The following PIH1D2 variants were observed in gnomAD, a reference collection of about 807,000 sequenced individuals.
PIH1D2 encodes PIH1 domain-containing protein 2.
Under a neutral mutation model 31.2 loss-of-function variants are expected in PIH1D2, and 25 were observed. The ratio of observed to expected loss-of-function variants is 0.80; its 90% confidence interval spans 0.58 to 1.12. PIH1D2 has a LOEUF of 1.12. Ranked by LOEUF, PIH1D2 falls within the 50% of genes most tolerant of loss-of-function variation. PIH1D2 has a pLI of 0.00. For missense variants in PIH1D2, 310 were observed against 356.6 expected, an observed-to-expected ratio of 0.87 and a Z score of 1.05; for synonymous variants, 116 against 119.9, an observed-to-expected ratio of 0.97 and a Z score of 0.21.
rs201824428 is a variant in PIH1D2 at position 112,073,155 on chromosome 11, C to A, written c.20G>T (p.Gly7Val). 1.7e-5 allele frequency: 27 copies of A among 1,612,238 alleles called. No homozygotes were observed. Among genetic ancestry groups the A allele is most frequent in the Non-Finnish European group, 2.3e-5 (27 of 1,178,768 alleles). Residue 7 changes from glycine (G) to valine (V), a missense_variant, in exon 2 of 6, where the codon GGT becomes GTT. By Grantham distance (109) the Gly-to-Val change is moderately radical. Coordinates refer to ENST00000280350, the MANE Select transcript of PIH1D2 (RefSeq NM_138789.4). METSSK[G>V]LLTQVTQFWN... Reference sequence around the variant, plus strand: ...AAACTGAGTAACTTGGGTAAGCAGACCTTTTGAGGATGTCTCCATGACTTA... The same window carrying A: ...AAACTGAGTAACTTGGGTAAGCAGAACTTTTGAGGATGTCTCCATGACTTA...
chr11:112,069,882 A>G (rs1197710239), intron 5 of PIH1D2: 1 of 157,618 alleles, frequency 6.3e-6, no homozygotes, highest in Admixed American at 6.0e-5. Flanking sequence ...TGCATGACAG[A>G]TGGGACTGAG....
At chr11:112,066,655 T>C (rs117935865), downstream of PIH1D2, among the ~76,000 whole-genome samples, 7 of 146,274 alleles carry the variant, frequency 4.8e-5, no homozygotes, top group Admixed American at 4.8e-4. Context: ...AAAAAAGATA[T>C]ATTTTGTTTG....
Position 112,070,565 on chromosome 11 carries a change from C to T in PIH1D2, c.684G>A (p.Val228=). Residue 228 remains valine (V), a synonymous_variant, in exon 5 of 6, where the codon GTG becomes GTA. Transcript: ENST00000280350. Reference sequence around the variant, plus strand: ...GTTCATAGGCTGGCATCTTCATCTCCACCTGGATTTCAGTACTGGAAATCT... The same window carrying T: ...GTTCATAGGCTGGCATCTTCATCTCTACCTGGATTTCAGTACTGGAAATCT... ...IEEISSTEIQ[V]EMKMPAYELK... is the part of the protein sequence containing the mutation. 2 of 1,614,164 alleles carry T rather than the reference C, an allele frequency of 1.2e-6. No homozygotes were observed. The highest frequency in any genetic ancestry group is 1.7e-6 in the Non-Finnish European group (2 of 1,180,036).
At chr11:112,070,029 T>C (rs1184285728) in intron 5 of PIH1D2, 1 of 232,876 alleles carries the variant, frequency 4.3e-6, no homozygotes, top group Non-Finnish European at 8.4e-6. Context: ...CAACCAAGAG[T>C]GTAGACTGGT....
chr11:112,071,229 T>G lies in PIH1D2; in HGVS notation c.356A>C (p.Glu119Ala), dbSNP rs1460372628. The G allele has an allele frequency of 1.9e-6, 3 of 1,613,786 alleles. No individual in the cohort carries two copies. The highest frequency in any genetic ancestry group is 2.2e-5 in the East Asian group (1 of 44,822). The change falls in exon 4 of 6, where the codon GAA becomes GCA. Residue 119 changes from glutamate (E) to alanine (A), a missense_variant. Physicochemically the swap from Glu to Ala is moderately radical, Grantham distance 107. Coordinates refer to ENST00000280350, the MANE Select transcript of PIH1D2 (RefSeq NM_138789.4). ...CTGATTTTTTTTCACTTGGTCCTTT[T>G]CTGCTGCATGAAGAACATCAGGATT... is the stretch of plus-strand genomic sequence containing the variant. ...AYNPDVLHAA[E>A]KDQVKKNQLI...
downstream of PIH1D2, among the ~76,000 whole-genome samples, chr11:112,058,633 G>T (rs1383534368): frequency 3.1e-5 from 4 of 130,610 alleles, no homozygotes; most frequent in Admixed American, 1.5e-4. Flanking sequence ...GGTGGGGGGG[G>T]GGAATCACCT....
At chr11:112,072,549 CAAA>C (rs148760956) in intron 2 of PIH1D2, among the ~76,000 whole-genome samples, 560 of 36,300 alleles carry the variant, frequency 0.015, 4 homozygotes, top group African/African-American at 0.063. Flanking sequence ...GACCCTATCT[CAAA>C]AAAAAAAAAA....
chr11:112,070,621 C>T lies in PIH1D2; in HGVS notation c.628G>A (p.Val210Ile). 4 of 1,614,064 alleles carry T rather than the reference C, an allele frequency of 2.5e-6. No individual in the cohort carries two copies. The highest frequency in any genetic ancestry group is 3.4e-6 in the Non-Finnish European group (4 of 1,180,012). ...ATCAGACACACTGCTTTGCCTGAAACTTGGTCTTTTGGCAGTAACAGTTGA... is the reference window on the plus strand; with the variant it reads ...ATCAGACACACTGCTTTGCCTGAAATTTGGTCTTTTGGCAGTAACAGTTGA... The part of the protein sequence containing the change: ...FPQLLLPKDQ[V>I]SGKAVCLIEE... The change falls in exon 5 of 6, where the codon GTT becomes ATT. Residue 210 changes from valine (V) to isoleucine (I), a missense_variant. Physicochemically the swap from Val to Ile is conservative, Grantham distance 29 (BLOSUM62 3). Transcript: ENST00000280350.
chr11:112,057,545 G>A, the PIH1D2 span, among the ~76,000 whole-genome samples: 1,048 of 152,306 alleles, frequency 6.9e-3, 5 homozygotes, highest in Middle Eastern at 0.051. Flanking sequence ...AGAAAGTTTT[G>A]AGTGGTCTAG....
chr11:112,069,251 C>G (rs79404432), intron 5 of PIH1D2, among the ~76,000 whole-genome samples: 16 of 151,998 alleles, frequency 1.1e-4, no homozygotes, highest in Admixed American at 8.5e-4. Flanking sequence ...AATCCACCCC[C>G]CTTCGGCCTC....
chr11:112,053,347 T>C, the PIH1D2 span, among the ~76,000 whole-genome samples: 10 of 152,242 alleles, frequency 6.6e-5, no homozygotes, highest in East Asian at 1.9e-3. Flanking sequence ...CTAATAAATA[T>C]TAAATTTAGG....
downstream of PIH1D2, among the ~76,000 whole-genome samples, chr11:112,058,712 A>G (rs1371162166): frequency 6.6e-6 from 1 of 151,784 alleles, no homozygotes; most frequent in Non-Finnish European, 1.5e-5. Context: ...AAATGTTAAC[A>G]GTACTTGTGT....
chr11:112,068,763 AAT>A (rs1865013192), intron 5 of PIH1D2, among the ~76,000 whole-genome samples: 1 of 152,036 alleles, frequency 6.6e-6, no homozygotes, highest in Admixed American at 6.6e-5. Context: ...CAGCCTGGGC[AAT>A]AGAGTGAGAC....
At chr11:112,071,401 G>C (rs1865105390) in intron 3 of PIH1D2, 118 bp from the exon 4 acceptor site, 1 of 1,380,556 alleles carries the variant, frequency 7.2e-7, no homozygotes, top group East Asian at 2.3e-5. Flanking sequence ...GTATTTTTCA[G>C]AGGTAATCAC....
the PIH1D2 span, among the ~76,000 whole-genome samples, chr11:112,054,945 A>T: frequency 1.3e-5 from 2 of 152,148 alleles, no homozygotes; most frequent in African/African-American, 4.8e-5. Context: ...TTCTCTTAAG[A>T]GGACAGTTGG....
At chr11:112,064,342 GT>G (rs1864823511), downstream of PIH1D2, 1 of 795,694 alleles carries the variant, frequency 1.3e-6, no homozygotes, top group African/African-American at 1.8e-5. Flanking sequence ...GTTAGAAATA[GT>G]GTTTTTGGTT....
At chr11:112,070,264 T>A in intron 5 of PIH1D2, 172 bp downstream of exon 5, 1 of 721,182 alleles carries the variant, frequency 1.4e-6, no homozygotes, top group South Asian at 1.9e-5. Flanking sequence ...ATCATTCTAT[T>A]TTCCCTTTGC....
downstream of PIH1D2, chr11:112,062,712 CA>C: frequency 1.5e-6 from 1 of 686,822 alleles, no homozygotes; most frequent in Admixed American, 2.7e-5. Context: ...CGATTACACC[CA>C]AATATTGTGC....
Position 112,071,697 on chromosome 11 carries a change from T to TG in PIH1D2, c.238dup (p.Gln80ProfsTer19), listed in dbSNP as rs782085029. Reference sequence around the variant, plus strand: ...TAGAGGTACTGGATGAGTGGTTGATTGGGGAGCTGGGATCCTTGTCCACTG... The same window carrying TG: ...TAGAGGTACTGGATGAGTGGTTGATTGGGGGAGCTGGGATCCTTGTCCACTG... On this transcript the variant is annotated frameshift_variant, in exon 3 of 6. Transcript: ENST00000280350. LOFTEE classifies it high-confidence loss of function. The TG allele has an allele frequency of 6.2e-7, 1 of 1,613,608 alleles. No individual in the cohort carries two copies. Among genetic ancestry groups the TG allele is most frequent in the Non-Finnish European group, 8.5e-7 (1 of 1,179,468 alleles).
Sources: allele counts gnomAD v4.1 joint callset (sites outside exome capture counted in the v4.1 genomes callset), GRCh38; gene constraint gnomAD v4.1.1; transcripts MANE v1.5; gene names NCBI Gene and HGNC (gene_info 2026-07-23, HGNC 2026-07-21).